The following DNAH14 variants were observed in gnomAD, a reference collection of about 807,000 sequenced individuals.
The protein encoded by DNAH14 is axonemal beta dynein heavy chain 14.
DNAH14 carries 478 observed loss-of-function variants against 520.9 expected under a neutral mutation model. The observed-to-expected ratio is 0.92, with a 90% CI of 0.85 to 0.99. DNAH14 has a LOEUF of 0.99. DNAH14 is among the 50% of genes least tolerant of loss of function. The pLI is 0.00. For synonymous variants in DNAH14, 1,581 were observed against 1,757.2 expected, an observed-to-expected ratio of 0.90 and a Z score of 2.51; for missense variants, 4,831 against 5,234.5, an observed-to-expected ratio of 0.92 and a Z score of 2.38.
At chr1:225,234,243 C>CA (rs2149588658) in intron 42 of DNAH14, among the ~76,000 whole-genome samples, 1 of 152,210 alleles carries the variant, frequency 6.6e-6, no homozygotes, top group Non-Finnish European at 1.5e-5. Context: ...GGCTGGAGTG[C>CA]AGTGGCAGGA....
chr1:225,098,974 G>T (rs2075222313), intron 22 of DNAH14, among the ~76,000 whole-genome samples: 5 of 152,126 alleles, frequency 3.3e-5, no homozygotes, highest in Admixed American at 3.3e-4. Context: ...CTGATACCAG[G>T]GAGAAAGCAT....
intron 71 of DNAH14, among the ~76,000 whole-genome samples, chr1:225,347,379 C>T (rs2095302110): frequency 6.6e-6 from 1 of 152,134 alleles, no homozygotes; most frequent in African/African-American, 2.4e-5. Flanking sequence ...AATTTTGCAT[C>T]ATTTGACACA....
At position 224,954,885 on chromosome 1, in the gene DNAH14, T is replaced by C. The variant is rs566128557; in HGVS notation, c.78-74T>C. On this transcript the variant is annotated intron_variant, in intron 2 of 85. Coordinates refer to ENST00000682510, the MANE Select transcript of DNAH14 (RefSeq NM_001367479.1). ...AATTATAAATGTGAAATTTTGGTAA[T>C]ATGCTAATAGCTCAGTATTTTATTG... 4.9e-4 allele frequency: 589 copies of C among 1,206,650 alleles called. 2 individuals are homozygous for C. Among genetic ancestry groups the C allele is most frequent in the Non-Finnish European group, 6.3e-4 (539 of 853,626 alleles). 74.7% of individuals were successfully genotyped at this position (1,206,650 alleles called of 1,614,324 possible). A position where few individuals can be genotyped will look rare whatever the true frequency, so the allele number is the denominator to read the frequency against.
Position 225,100,788 on chromosome 1 carries a change from C to T in DNAH14, c.3771C>T (p.Asn1257=). The T allele has an allele frequency of 6.5e-7, 1 of 1,538,108 alleles. No individual in the cohort carries two copies. The highest frequency in any genetic ancestry group is 2.1e-5 in the Admixed American group (1 of 47,588). Residue 1257 remains asparagine (N), a synonymous_variant, in exon 23 of 86, where the codon AAC becomes AAT. Coordinates refer to ENST00000682510, the MANE Select transcript of DNAH14 (RefSeq NM_001367479.1). ...MWKKIMSKIQ[N]KQNALQITTS... is the part of the protein sequence containing the mutation. ...AAAAAATAATGTCAAAAATACAAAA[C>T]AAACAGAATGCTTTGCAGATAACCA...
chr1:225,250,407 CT>C (rs898306583), intron 43 of DNAH14, among the ~76,000 whole-genome samples: 2 of 152,180 alleles, frequency 1.3e-5, no homozygotes, highest in African/African-American at 4.8e-5. Flanking sequence ...GCAATTCCAG[CT>C]TGTAGCCTAC....
At chr1:225,211,560 A>G (rs573099347) in intron 41 of DNAH14, among the ~76,000 whole-genome samples, 23 of 152,182 alleles carry the variant, frequency 1.5e-4, no homozygotes, top group Non-Finnish European at 3.1e-4. Flanking sequence ...GAATAGAACC[A>G]AGCTGGAAAA....
intron 71 of DNAH14, among the ~76,000 whole-genome samples, chr1:225,350,970 T>A (rs2095356840): frequency 6.6e-6 from 1 of 152,188 alleles, no homozygotes; most frequent in South Asian, 2.1e-4. Flanking sequence ...ATAACATTGA[T>A]GCAAAAATCC....
chr1:225,172,791 G>C (rs143519370), intron 36 of DNAH14, among the ~76,000 whole-genome samples: 7 of 152,060 alleles, frequency 4.6e-5, no homozygotes, highest in African/African-American at 1.7e-4. Context: ...AAAAGAGCCC[G>C]CATTGCCAAG....
intron 61 of DNAH14, among the ~76,000 whole-genome samples, chr1:225,318,943 C>CTGTGA (rs1280534166): frequency 6.6e-6 from 1 of 152,144 alleles, no homozygotes; most frequent in Non-Finnish European, 1.5e-5. Flanking sequence ...GCCAGTTACA[C>CTGTGA]TGTGATGTGC....
At chr1:225,375,565 G>A (rs148700357) in intron 78 of DNAH14, among the ~76,000 whole-genome samples, 1 of 152,294 alleles carries the variant, frequency 6.6e-6, no homozygotes, top group African/African-American at 2.4e-5. Flanking sequence ...TATCCAGGTT[G>A]TCTGTCTGAG....
At chr1:225,108,666 G>A (rs919033809) in intron 23 of DNAH14, among the ~76,000 whole-genome samples, 3 of 152,098 alleles carry the variant, frequency 2.0e-5, no homozygotes, top group African/African-American at 7.2e-5. Context: ...TCTGTGGGTT[G>A]TCTCTTCATT....
intron 27 of DNAH14, among the ~76,000 whole-genome samples, chr1:225,129,465 C>G (rs2078140866): frequency 6.6e-6 from 1 of 151,686 alleles, no homozygotes; most frequent in Non-Finnish European, 1.5e-5. Flanking sequence ...GGTACCAAAA[C>G]AGAGATATAG....
In DNAH14 at chr1:225,103,285, T is replaced by C. The variant is rs528002317; in HGVS notation, c.3867+2401T>C. ...GGTATCAGTACCATGCTGTTTTGGT[T>C]ACTATAGCCTTGTAGTATAGTTTGA... On this transcript the variant is annotated intron_variant, in intron 23 of 85. Transcript: ENST00000682510. Among the ~76,000 whole-genome samples the C allele has an allele frequency of 2.7e-4, 41 of 152,334 alleles. No individual in the cohort carries two copies. In the South Asian group the frequency reaches 8.1e-3, roughly 30 times the overall value.
In DNAH14 at chr1:225,051,682, G is replaced by T; in HGVS notation, c.2311G>T (p.Val771Phe). Reference protein sequence around the residue: ...AIEKRIGIFNVVSLDYQSECL... With the variant: ...AIEKRIGIFNFVSLDYQSECL... Reference sequence around the variant, plus strand: ...TGAGAAGCGTATTGGTATTTTCAACGTTGTAAGTCTTGATTATCAATCAGA... The same window carrying T: ...TGAGAAGCGTATTGGTATTTTCAACTTTGTAAGTCTTGATTATCAATCAGA... The change falls in exon 17 of 86, where the codon GTT (valine) becomes TTT (phenylalanine). Residue 771 changes from valine (V) to phenylalanine (F), a missense_variant. By Grantham distance (50) the Val-to-Phe change is conservative. Transcript: ENST00000682510. 1 of 1,551,108 alleles carries T rather than the reference G, an allele frequency of 6.4e-7. No homozygotes were observed. The highest frequency in any genetic ancestry group is 1.4e-5 in the African/African-American group (1 of 73,122).
rs968399185 is a variant in DNAH14, at chr1:225,351,829, C to T, written c.11479C>T (p.Pro3827Ser). Reference protein sequence around the residue: ...SKAVYSLISTPFSSENASLEE... With the variant: ...SKAVYSLISTSFSSENASLEE... ...AGCAGTTTATTCTCTGATCAGCACA[C>T]CTTTCTCTTCAGAAAATGCTTCATT... is the stretch of plus-strand genomic sequence containing the variant. Residue 3827 changes from proline (P) to serine (S), a missense_variant, in exon 72 of 86, where the codon CCT becomes TCT. Physicochemically the swap from Pro to Ser is moderately conservative, Grantham distance 74 (BLOSUM62 -1). Coordinates refer to ENST00000682510, the MANE Select transcript of DNAH14 (RefSeq NM_001367479.1). 4 of 1,551,082 alleles carry T rather than the reference C, an allele frequency of 2.6e-6. No homozygotes were observed. The highest frequency in any genetic ancestry group is 3.5e-6 in the Non-Finnish European group (4 of 1,146,722).
chr1:225,373,161 T>G (rs1409569204), intron 77 of DNAH14, among the ~76,000 whole-genome samples: 1 of 132,454 alleles, frequency 7.5e-6, no homozygotes. Flanking sequence ...TATGCTAAAC[T>G]AGCATTTGTG....
intron 43 of DNAH14, among the ~76,000 whole-genome samples, chr1:225,250,504 C>T (rs1226191587): frequency 2.6e-5 from 4 of 152,158 alleles, no homozygotes; most frequent in East Asian, 1.9e-4. Flanking sequence ...CAACAGAGAT[C>T]GTATGTGGCG....
At chr1:225,198,985 T>C (rs1327590044) in intron 38 of DNAH14, among the ~76,000 whole-genome samples, 1 of 152,184 alleles carries the variant, frequency 6.6e-6, no homozygotes, top group Non-Finnish European at 1.5e-5. Context: ...ACTTTTTTTG[T>C]TGGTAATTTT....
rs899832534 is a variant in DNAH14, at chr1:225,380,189, G to A, written c.12747G>A (p.Met4249Ile). The A allele has an allele frequency of 1.3e-6, 2 of 1,551,530 alleles. No individual in the cohort carries two copies. Among genetic ancestry groups the A allele is most frequent in the South Asian group, 1.2e-5 (1 of 84,038 alleles). Residue 4249 changes from methionine to isoleucine, a missense_variant, in exon 80 of 86, where the codon ATG becomes ATA. Transcript: ENST00000682510. ...RPEQSKDELV[M>I]EILSDLLKRL... ...AGCAGAGTAAGGATGAACTGGTGAT[G>A]GAAATTCTATCCGACTTGCTAAAGC...
Sources: allele counts gnomAD v4.1 joint callset (sites outside exome capture counted in the v4.1 genomes callset), GRCh38; gene constraint gnomAD v4.1.1; transcripts MANE v1.5; gene names NCBI Gene and HGNC (gene_info 2026-07-23, HGNC 2026-07-21).